The following WAPL variants were observed in gnomAD, a reference collection of about 807,000 sequenced individuals.
WAPL encodes wings apart-like protein homolog.
Under a neutral mutation model 121.0 loss-of-function variants are expected in WAPL, and 5 were observed. That is an observed-to-expected ratio of 0.04 (90% CI 0.02 to 0.09). The LOEUF (loss-of-function observed/expected upper bound fraction) is 0.09. WAPL is among the 10% of genes least tolerant of loss of function. The probability of loss-of-function intolerance (pLI) is 1.00; values close to 1 mark genes in which losing one functional copy is unlikely to be tolerated. For missense variants in WAPL, 999 were observed against 1,410.8 expected (o/e 0.71, Z 4.68); for synonymous variants, 480 against 481.5 (o/e 1.00, Z 0.04).
At chr10:86,442,554 A>G (rs1849495986) in intron 17 of WAPL, among the ~76,000 whole-genome samples, 1 of 152,130 alleles carries the variant, frequency 6.6e-6, no homozygotes, top group African/African-American at 2.4e-5. Flanking sequence ...ATCCTTCCTA[A>G]TAAAGCCATA....
At chr10:86,462,135 AAGCAGAC>A (rs1381668892) in intron 9 of WAPL, among the ~76,000 whole-genome samples, 1 of 152,120 alleles carries the variant, frequency 6.6e-6, no homozygotes, top group Non-Finnish European at 1.5e-5. Flanking sequence ...TTTCTTTTTA[AAGCAGAC>A]AGCCACTTCC....
Position 86,471,005 on chromosome 10 carries a change from G to A in WAPL, c.2129C>T (p.Ser710Phe). 1 of 1,613,482 alleles carries A rather than the reference G, an allele frequency of 6.2e-7. No homozygotes were observed. The highest frequency in any genetic ancestry group is 8.5e-7 in the Non-Finnish European group (1 of 1,179,700). The change falls in exon 8 of 19, where the codon TCC (serine) becomes TTC (phenylalanine). Residue 710 changes from serine to phenylalanine, a missense_variant. Physicochemically the swap from Ser to Phe is radical, Grantham distance 155. This residue lies in a region of WAPL where 118 missense variants were observed against 318.3 expected (regional missense o/e 0.37). Coordinates refer to ENST00000298767, the MANE Select transcript of WAPL (RefSeq NM_015045.5). The part of the protein sequence containing the change: ...VAMVFKTLDD[S>F]QHHQNLSLCT... ...CTTAAAAAATACCTGATGGTGCTGG[G>A]AATCATCCAAGGTTTTAAAGACCAT...
chr10:86,482,587 G>A (rs1388935670), intron 4 of WAPL, among the ~76,000 whole-genome samples: 3 of 152,170 alleles, frequency 2.0e-5, no homozygotes, highest in African/African-American at 2.4e-5. Flanking sequence ...GGTACAAGAT[G>A]AACCTAGAAC....
At chr10:86,507,063 T>TAA (rs776504083) in intron 2 of WAPL, among the ~76,000 whole-genome samples, 8 of 133,766 alleles carry the variant, frequency 6.0e-5, no homozygotes, top group African/African-American at 1.6e-4. Flanking sequence ...AGGAAAGATT[T>TAA]AAAAAAAAAA....
intron 4 of WAPL, among the ~76,000 whole-genome samples, chr10:86,495,195 CA>C (rs1283792651): frequency 6.6e-6 from 1 of 152,180 alleles, no homozygotes; most frequent in Non-Finnish European, 1.5e-5. Context: ...AAATTATTCT[CA>C]ATACCCATGC....
chr10:86,510,679 A>T (rs950608245), intron 2 of WAPL, among the ~76,000 whole-genome samples: 1 of 152,274 alleles, frequency 6.6e-6, no homozygotes, highest in African/African-American at 2.4e-5. Flanking sequence ...CTTTAGAACA[A>T]AATGAATTTA....
At chr10:86,467,225 C>A in intron 9 of WAPL, 54 bp downstream of exon 9, 1 of 1,547,930 alleles carries the variant, frequency 6.5e-7, no homozygotes, top group Admixed American at 1.7e-5. Flanking sequence ...TGCAACTAAC[C>A]AAAGACTTTC....
chr10:86,471,992 T>G (rs1275969106), intron 7 of WAPL, among the ~76,000 whole-genome samples: 1 of 151,884 alleles, frequency 6.6e-6, no homozygotes, highest in African/African-American at 2.4e-5. Context: ...CTGAAGCCTA[T>G]GCTATATTAA....
chr10:86,517,802 C>T lies in WAPL; in HGVS notation c.268G>A (p.Ala90Thr), dbSNP rs1842590489. 3.7e-6 allele frequency: 6 copies of T among 1,614,068 alleles called. No homozygotes were observed. The highest frequency in any genetic ancestry group is 2.7e-5 in the African/African-American group (2 of 74,934). The change falls in exon 2 of 19, where the codon GCC (alanine) becomes ACC (threonine). Residue 90 changes from alanine (A) to threonine (T), a missense_variant. Physicochemically the swap from Ala to Thr is moderately conservative, Grantham distance 58. Transcript: ENST00000298767. Reference sequence around the variant, plus strand: ...GAATAAGAGGAACACTTAACCTGGGCTAAATTCTTTGAAGAAACTGGTAGA... The same window carrying T: ...GAATAAGAGGAACACTTAACCTGGGTTAAATTCTTTGAAGAAACTGGTAGA... ...ESLPVSSKNL[A>T]QVKCSSYSES...
In WAPL at chr10:86,500,370, G is replaced by T; in HGVS notation, c.873C>A (p.Thr291=). 6.2e-7 allele frequency: 1 copy of T among 1,614,140 alleles called. No individual in the cohort carries two copies. The highest frequency in any genetic ancestry group is 8.5e-7 in the Non-Finnish European group (1 of 1,180,022). ...EDIVQSVLRP[T]NCRTYCRANK... ...TGGCCCTACAGTACGTCCTACAGTT[G>T]GTTGGCCTAAGAACACTTTGTACAA... Residue 291 remains threonine (T), a synonymous_variant, in exon 3 of 19, where the codon ACC becomes ACA. Coordinates refer to ENST00000298767, the MANE Select transcript of WAPL (RefSeq NM_015045.5).
chr10:86,514,467 C>T (rs1005452707), intron 2 of WAPL, among the ~76,000 whole-genome samples: 2 of 152,146 alleles, frequency 1.3e-5, no homozygotes, highest in Admixed American at 6.5e-5. Context: ...TACACCATTC[C>T]CTGACCACTA....
chr10:86,513,310 T>G (rs1842499763), intron 2 of WAPL, among the ~76,000 whole-genome samples: 1 of 152,070 alleles, frequency 6.6e-6, no homozygotes, highest in Admixed American at 6.6e-5. Context: ...ATCCTAAGTT[T>G]CCTCTTCAAG....
chr10:86,488,962 G>C (rs1370206232), intron 4 of WAPL, among the ~76,000 whole-genome samples: 2 of 152,216 alleles, frequency 1.3e-5, no homozygotes, highest in African/African-American at 4.8e-5. Flanking sequence ...TTAACCAAGT[G>C]ATCAGTTAAC....
At chr10:86,514,342 C>G (rs1385891023) in intron 2 of WAPL, among the ~76,000 whole-genome samples, 1 of 152,168 alleles carries the variant, frequency 6.6e-6, no homozygotes, top group Non-Finnish European at 1.5e-5. Flanking sequence ...ATAAGTCTAC[C>G]ATGAAAATTA....
intron 2 of WAPL, among the ~76,000 whole-genome samples, chr10:86,512,664 A>C (rs1842487957): frequency 6.6e-6 from 1 of 152,238 alleles, no homozygotes; most frequent in Non-Finnish European, 1.5e-5. Context: ...TAGCAACTGC[A>C]ATCAGAAATT....
chr10:86,452,265 A>G, intron 14 of WAPL, 134 bp from the exon 15 acceptor site: 2 of 786,328 alleles, frequency 2.5e-6, no homozygotes, highest in Non-Finnish European at 1.9e-6. Context: ...GCTAAAAACC[A>G]GTATGAAAGG....
chr10:86,437,391 G>A lies in WAPL; in HGVS notation c.*152C>T. On this transcript the variant is annotated 3_prime_UTR_variant, in exon 19 of 19. Coordinates refer to ENST00000298767, the MANE Select transcript of WAPL (RefSeq NM_015045.5). The stretch of plus-strand genomic sequence containing the variant: ...GTCATTTAGCAAATGCCGAATGCAT[G>A]ACGAAGAAATCAGGTGGCCTTAAAA... The A allele has an allele frequency of 1.5e-6, 1 of 672,810 alleles. No homozygotes were observed. The allele number at this position is 672,810 out of a possible 1,614,324, so 41.7% of individuals were successfully genotyped here.
intron 17 of WAPL, among the ~76,000 whole-genome samples, chr10:86,442,929 G>A (rs968807006): frequency 6.6e-6 from 1 of 151,686 alleles, no homozygotes; most frequent in African/African-American, 2.4e-5. Flanking sequence ...TGTAGTCCCA[G>A]CTACTCGGGA....
At chr10:86,518,460 G>C (rs949933281) in intron 1 of WAPL, among the ~76,000 whole-genome samples, 4 of 152,054 alleles carry the variant, frequency 2.6e-5, no homozygotes, top group African/African-American at 9.7e-5. Context: ...TATCTGTATA[G>C]AGGCTGGGAG....
Sources: allele counts gnomAD v4.1 joint callset (sites outside exome capture counted in the v4.1 genomes callset), GRCh38; gene constraint gnomAD v4.1.1; regional missense constraint gnomAD v4.1.1; transcripts MANE v1.5; gene names NCBI Gene and HGNC (gene_info 2026-07-23, HGNC 2026-07-21).